SMIM36: variants seen among roughly 807,000 people sequenced by gnomAD.
The protein encoded by SMIM36 is small integral membrane protein 36.
In SMIM36 at chr17:55,455,934, AC is replaced by A. The variant is rs1409310529; in HGVS notation, c.*532-5637del. Reference sequence around the variant, plus strand: ...AGAGTTTGAGACCAGCCTGGCCAACACGGTGAAACCCTGTTTCTACTAAAAA... The same window carrying A: ...AGAGTTTGAGACCAGCCTGGCCAACAGGTGAAACCCTGTTTCTACTAAAAA... On this transcript the variant is annotated intron_variant, in intron 4 of 4. Transcript: ENST00000636752. Among the ~76,000 whole-genome samples, 5 of 152,018 alleles carry A rather than the reference AC, an allele frequency of 3.3e-5. No homozygotes were observed. In the East Asian group the frequency reaches 9.6e-4, roughly 29 times the overall value.
chr17:55,460,711 A>T (rs1909133110), intron 4 of SMIM36, among the ~76,000 whole-genome samples: 1 of 152,010 alleles, frequency 6.6e-6, no homozygotes, highest in Non-Finnish European at 1.5e-5. Context: ...CAAAAAAATT[A>T]GCTGGGCATG....
At chr17:55,473,669 C>A (rs1909379054) in intron 3 of SMIM36, among the ~76,000 whole-genome samples, 1 of 152,118 alleles carries the variant, frequency 6.6e-6, no homozygotes, top group Admixed American at 6.6e-5. Flanking sequence ...AAGGATTGGA[C>A]AGTACTTTTA....
intron 3 of SMIM36, among the ~76,000 whole-genome samples, chr17:55,472,351 G>A (rs969450102): frequency 6.6e-6 from 1 of 152,144 alleles, no homozygotes; most frequent in Admixed American, 6.5e-5. Flanking sequence ...GCTCTCTCTC[G>A]CTAAAGGAAT....
the SMIM36 span, among the ~76,000 whole-genome samples, chr17:55,528,622 G>A: frequency 9.6e-3 from 1,435 of 148,796 alleles, 63 homozygotes; most frequent in East Asian, 0.11. Flanking sequence ...GCACGATCTC[G>A]GCTCACTGCA....
the SMIM36 span, among the ~76,000 whole-genome samples, chr17:55,522,617 C>T: frequency 3.4e-4 from 52 of 152,294 alleles, no homozygotes; most frequent in African/African-American, 1.1e-3. Context: ...CCCTGTGATT[C>T]AATTATCTCC....
chr17:55,502,383 C>G lies in SMIM36; in HGVS notation c.*174+8496G>C, dbSNP rs1342089520. Among the ~76,000 whole-genome samples, 19 of 100,576 alleles carry G rather than the reference C, an allele frequency of 1.9e-4. 3 individuals are homozygous for G. The highest frequency in any genetic ancestry group is 3.2e-4 in the South Asian group (1 of 3,114). The allele number at this position is 100,576 out of a possible 152,430, so 66.0% of individuals were successfully genotyped here. On this transcript the variant is annotated intron_variant, in intron 1 of 4. Transcript: ENST00000636752. Reference sequence around the variant, plus strand: ...AGCATGCAGCTGGAGATCTGAGAACCGGCAGACTGCCTCTTCAAGTGGGTC... The same window carrying G: ...AGCATGCAGCTGGAGATCTGAGAACGGGCAGACTGCCTCTTCAAGTGGGTC...
At chr17:55,482,326 C>T (rs1194641434) in intron 1 of SMIM36, among the ~76,000 whole-genome samples, 1 of 152,166 alleles carries the variant, frequency 6.6e-6, no homozygotes, top group Non-Finnish European at 1.5e-5. Context: ...ATCTGCCCTA[C>T]CCTGCCTATC....
At chr17:55,531,301 A>G in the SMIM36 span, among the ~76,000 whole-genome samples, 3 of 152,162 alleles carry the variant, frequency 2.0e-5, no homozygotes, top group African/African-American at 4.8e-5. Flanking sequence ...TGGCTTGGTG[A>G]ACCCTCATGG....
rs1287921152 is a variant in SMIM36, at chr17:55,505,831, T to C, written c.*174+5048A>G. 2.5e-5 allele frequency among the ~76,000 whole-genome samples: 3 copies of C among 118,530 alleles called. 1 individual carries two copies. The South Asian group carries it at 9.1e-4, about 36-fold the overall frequency. 77.8% of individuals were successfully genotyped at this position (118,530 alleles called of 152,430 possible). On this transcript the variant is annotated intron_variant, in intron 1 of 4. Transcript: ENST00000636752. ...TGATTGTATATCTAGAAAACCCCAT[T>C]GTCTCAGCCCCAAATCTCCTTAAGC...
intron 3 of SMIM36, among the ~76,000 whole-genome samples, chr17:55,469,957 G>C (rs1308123800): frequency 2.0e-5 from 3 of 150,930 alleles, no homozygotes; most frequent in Non-Finnish European, 4.4e-5. Context: ...ACTCCAGCCT[G>C]GGCGACTGGA....
chr17:55,522,920 A>T, the SMIM36 span, among the ~76,000 whole-genome samples: 2 of 152,162 alleles, frequency 1.3e-5, no homozygotes, highest in Admixed American at 1.3e-4. Flanking sequence ...TAAGCATTGA[A>T]TATATATTTG....
intron 1 of SMIM36, among the ~76,000 whole-genome samples, chr17:55,501,194 C>CTTATATATTATAATATATAATATATA (rs1567870945): frequency 0.014 from 36 of 2,502 alleles, 4 homozygotes; most frequent in Non-Finnish European, 0.014. Context: ...TATAATATAT[C>CTTATATATTATAATATATAATATATA]TTATATATTA....
At chr17:55,484,392 T>C (rs529751747) in intron 1 of SMIM36, among the ~76,000 whole-genome samples, 22 of 152,328 alleles carry the variant, frequency 1.4e-4, no homozygotes, top group African/African-American at 5.1e-4. Context: ...ACATCGAATG[T>C]AATAATTGAT....
chr17:55,467,172 A>G (rs2039228893), exon 4 of SMIM36: 1 of 152,288 alleles, frequency 6.6e-6, no homozygotes, highest in Admixed American at 6.5e-5. Flanking sequence ...GTCTGCCCAC[A>G]TCCAGAGGCC....
chr17:55,460,806 C>T (rs757514237), intron 4 of SMIM36, among the ~76,000 whole-genome samples: 4 of 152,010 alleles, frequency 2.6e-5, no homozygotes, highest in Non-Finnish European at 4.4e-5. Flanking sequence ...TCCAGTGAGC[C>T]GAGACTGTGC....
At chr17:55,467,914 T>C (rs75801354) in intron 3 of SMIM36, among the ~76,000 whole-genome samples, 4,033 of 152,200 alleles carry the variant, frequency 0.026, 191 homozygotes, top group African/African-American at 0.091. Context: ...CCACCCTAAC[T>C]GATCAATTGA....
chr17:55,461,925 T>C (rs1008989820), intron 4 of SMIM36, among the ~76,000 whole-genome samples: 1 of 152,198 alleles, frequency 6.6e-6, no homozygotes, highest in Admixed American at 6.5e-5. Context: ...AGGCTGCAAA[T>C]GTAGGTTACA....
chr17:55,507,573 T>G (rs566844624), intron 1 of SMIM36, among the ~76,000 whole-genome samples: 2 of 92,298 alleles, frequency 2.2e-5, no homozygotes, highest in Non-Finnish European at 4.1e-5. Context: ...CTCTGGGGAC[T>G]GTGGTGGGGT....
chr17:55,466,276 T>TGA (rs1909233850), intron 4 of SMIM36, among the ~76,000 whole-genome samples: 1 of 32,262 alleles, frequency 3.1e-5, no homozygotes. Context: ...AGACTCCGTC[T>TGA]CAAAAAAAAA....
Sources: gnomAD v4.1 joint callset for allele counts (sites outside exome capture counted in the v4.1 genomes callset) on GRCh38, gnomAD v4.1.1 for gene constraint, MANE v1.5 for transcripts, NCBI Gene and HGNC (gene_info 2026-07-23, HGNC 2026-07-21) for gene names.